Variants in CWF19L2 observed in about 807,000 individuals in gnomAD.
CWF19L2 encodes the protein CWF19-like protein 2.
Under a neutral mutation model 111.7 loss-of-function variants are expected in CWF19L2, and 98 were observed. The observed-to-expected ratio is 0.88, with a 90% CI of 0.75 to 1.04. CWF19L2 has a LOEUF of 1.04. Ranked by LOEUF, CWF19L2 falls within the 50% of genes least tolerant of loss-of-function variation. The pLI is 0.00. For synonymous variants in CWF19L2, 351 were observed against 342.9 expected (o/e 1.02, Z -0.26); for missense variants, 1,101 against 1,051.4 (o/e 1.05, Z -0.65).
At chr11:107,442,302 A>T (rs1436433349) in intron 4 of CWF19L2, among the ~76,000 whole-genome samples, 2 of 152,310 alleles carry the variant, frequency 1.3e-5, no homozygotes, top group Non-Finnish European at 2.9e-5. Flanking sequence ...ATTGTTTTCA[A>T]AGTCTAATTG....
intron 3 of CWF19L2, among the ~76,000 whole-genome samples, chr11:107,443,965 A>G (rs913163870): frequency 5.3e-5 from 8 of 152,186 alleles, no homozygotes; most frequent in Admixed American, 1.3e-4. Flanking sequence ...TATTTAAGGC[A>G]GATCTTGCTC....
At position 107,381,154 on chromosome 11, in the gene CWF19L2, T is replaced by C. The variant is rs532114729; in HGVS notation, c.1872+8920A>G. ...GAAAAAATGTTCTGGAAATGGATAG[T>C]GGTGATGGTTGCAAAATATTTCAAT... On this transcript the variant is annotated intron_variant, in intron 12 of 17. Transcript: ENST00000282251. 1.5e-3 allele frequency among the ~76,000 whole-genome samples: 234 copies of C among 152,220 alleles called. 1 individual carries two copies. Among genetic ancestry groups the C allele is most frequent in the African/African-American group, 5.2e-3 (214 of 41,548 alleles).
rs555366594 is a variant in CWF19L2, at chr11:107,452,044, C to T, written c.339+2406G>A. On this transcript the variant is annotated intron_variant, in intron 3 of 17. Coordinates refer to ENST00000282251, the MANE Select transcript of CWF19L2 (RefSeq NM_152434.3). Reference sequence around the variant, plus strand: ...AAGGCAATCATGTCCACTCTCACCACTTCCATTCAACACTATTTTTAAGTC... The same window carrying T: ...AAGGCAATCATGTCCACTCTCACCATTTCCATTCAACACTATTTTTAAGTC... Among the ~76,000 whole-genome samples the T allele has an allele frequency of 3.3e-5, 5 of 152,310 alleles. No individual in the cohort carries two copies. In the South Asian group the frequency reaches 1.0e-3, roughly 32 times the overall value.
intron 12 of CWF19L2, among the ~76,000 whole-genome samples, chr11:107,376,518 T>G (rs1485163304): frequency 1.3e-5 from 1 of 75,300 alleles, no homozygotes; most frequent in Non-Finnish European, 2.4e-5. Context: ...AAAAACCACA[T>G]GATTATCTCA....
chr11:107,378,319 T>C (rs533485493), intron 12 of CWF19L2, among the ~76,000 whole-genome samples: 7 of 147,856 alleles, frequency 4.7e-5, no homozygotes, highest in South Asian at 2.1e-4. Context: ...CATGCACACG[T>C]ATGTTTATTG....
intron 12 of CWF19L2, among the ~76,000 whole-genome samples, chr11:107,367,736 G>A (rs1282626890): frequency 7.8e-6 from 1 of 128,258 alleles, no homozygotes; most frequent in Non-Finnish European, 1.6e-5. Flanking sequence ...TAGATGACGA[G>A]TTACTGGGTG....
intron 10 of CWF19L2, among the ~76,000 whole-genome samples, chr11:107,396,640 A>C (rs1477208454): frequency 1.3e-5 from 2 of 152,224 alleles, no homozygotes; most frequent in Non-Finnish European, 2.9e-5. Flanking sequence ...AGTAATAAAA[A>C]TTGAGGATTC....
At chr11:107,351,476 A>G (rs1860155573) in intron 13 of CWF19L2, among the ~76,000 whole-genome samples, 2 of 152,196 alleles carry the variant, frequency 1.3e-5, no homozygotes, top group Non-Finnish European at 1.5e-5. Context: ...AGTAGGTTGG[A>G]TACATGAACC....
chr11:107,444,209 T>C (rs147553989), intron 3 of CWF19L2, among the ~76,000 whole-genome samples: 214 of 151,146 alleles, frequency 1.4e-3, no homozygotes, highest in African/African-American at 5.0e-3. Context: ...CTTGAAAGAG[T>C]AGTCTACATG....
intron 10 of CWF19L2, among the ~76,000 whole-genome samples, chr11:107,408,546 T>G (rs574014): frequency 0.82 from 125,041 of 151,832 alleles, 52,037 homozygotes; most frequent in African/African-American, 0.95. Flanking sequence ...TACACCATTT[T>G]CTTTAATTTA....
intron 6 of CWF19L2, among the ~76,000 whole-genome samples, chr11:107,438,771 G>A (rs532651592): frequency 8.5e-5 from 13 of 152,134 alleles, no homozygotes; most frequent in Admixed American, 2.6e-4. Context: ...GAGGCCAGGC[G>A]CAGTAGCTCA....
intron 10 of CWF19L2, among the ~76,000 whole-genome samples, chr11:107,413,087 A>G (rs1861180175): frequency 2.0e-5 from 3 of 152,212 alleles, no homozygotes; most frequent in African/African-American, 7.2e-5. Flanking sequence ...CACAGAATGT[A>G]CAATACCAAG....
chr11:107,447,085 G>A (rs1182750703), intron 3 of CWF19L2, among the ~76,000 whole-genome samples: 2 of 152,122 alleles, frequency 1.3e-5, no homozygotes, highest in South Asian at 2.1e-4. Context: ...GAGGACTTCT[G>A]CTTCTGTCCT....
intron 10 of CWF19L2, among the ~76,000 whole-genome samples, chr11:107,413,388 T>C (rs1861185007): frequency 6.6e-6 from 1 of 151,544 alleles, no homozygotes; most frequent in African/African-American, 2.4e-5. Flanking sequence ...TGAAGAAGGG[T>C]GATGTCTGGC....
At chr11:107,402,671 G>C (rs905455633) in intron 10 of CWF19L2, among the ~76,000 whole-genome samples, 2 of 151,858 alleles carry the variant, frequency 1.3e-5, no homozygotes, top group African/African-American at 4.8e-5. Context: ...AAACAGTGTG[G>C]AGATTCCTTA....
Position 107,349,018 on chromosome 11 carries a change from A to C in CWF19L2, c.2121T>G (p.Thr707=), listed in dbSNP as rs776716120. 5.6e-6 allele frequency: 9 copies of C among 1,609,718 alleles called. No individual in the cohort carries two copies. Among genetic ancestry groups the C allele is most frequent in the Admixed American group, 1.7e-5 (1 of 59,664 alleles). Residue 707 remains threonine (T), a synonymous_variant, in exon 14 of 18, where the codon ACT becomes ACG. Transcript: ENST00000282251. ...AAGGGACTATCAGGCAGTGCCCCTC[A>C]GTAAGAGACCGTACGTTGGGTAAAC... ...YLCLPNVRSL[T]EGHCLIVPLQ... is the part of the protein sequence containing the mutation.
At chr11:107,333,854 T>G (rs1321649152) in intron 16 of CWF19L2, among the ~76,000 whole-genome samples, 2 of 152,160 alleles carry the variant, frequency 1.3e-5, no homozygotes, top group South Asian at 2.1e-4. Context: ...TGACACCTAC[T>G]AGAATAGGGA....
chr11:107,446,370 C>T (rs1861702574), intron 3 of CWF19L2, among the ~76,000 whole-genome samples: 1 of 152,236 alleles, frequency 6.6e-6, no homozygotes, highest in African/African-American at 2.4e-5. Flanking sequence ...TCTGCTCTCG[C>T]AATTCCTTAT....
intron 12 of CWF19L2, among the ~76,000 whole-genome samples, chr11:107,368,124 C>CA (rs1284185003): frequency 3.6e-5 from 4 of 110,166 alleles, no homozygotes; most frequent in Admixed American, 1.7e-4. Context: ...AGACCCCCCC[C>CA]CACACAAAAA....
Sources: allele counts gnomAD v4.1 joint callset (sites outside exome capture counted in the v4.1 genomes callset), GRCh38; gene constraint gnomAD v4.1.1; transcripts MANE v1.5; gene names NCBI Gene and HGNC (gene_info 2026-07-23, HGNC 2026-07-21).